Variants in PPP1R14C observed in about 807,000 individuals in gnomAD.
PPP1R14C encodes the protein protein phosphatase 1 regulatory subunit 14C.
Under a neutral mutation model 20.4 loss-of-function variants are expected in PPP1R14C, and 16 were observed. The observed-to-expected ratio is 0.78, with a 90% CI of 0.53 to 1.19. PPP1R14C has a LOEUF of 1.19. Ranked by LOEUF, PPP1R14C falls within the 50% of genes most tolerant of loss-of-function variation. The probability of loss-of-function intolerance (pLI) is 0.00; values close to 1 mark genes in which losing one functional copy is unlikely to be tolerated. For missense variants in PPP1R14C, 211 were observed against 220.1 expected, an observed-to-expected ratio of 0.96 and a Z score of 0.26; for synonymous variants, 91 against 91.0, an observed-to-expected ratio of 1.00 and a Z score of 0.00.
chr6:150,222,909 C>T (rs138396613), intron 3 of PPP1R14C, among the ~76,000 whole-genome samples: 226 of 150,976 alleles, frequency 1.5e-3, no homozygotes, highest in African/African-American at 5.1e-3. Context: ...GCTGGGATTA[C>T]AGGCGCGTGC....
intron 1 of PPP1R14C, among the ~76,000 whole-genome samples, chr6:150,179,921 G>A (rs1038803627): frequency 6.6e-6 from 1 of 152,160 alleles, no homozygotes; most frequent in African/African-American, 2.4e-5. Context: ...ACTGAGATGG[G>A]CCAGGCACGG....
intron 3 of PPP1R14C, among the ~76,000 whole-genome samples, chr6:150,228,972 G>A (rs1214362174): frequency 2.6e-5 from 4 of 152,282 alleles, no homozygotes; most frequent in African/African-American, 9.6e-5. Context: ...TTAAAGGGCA[G>A]TGGACCCGAT....
chr6:150,179,475 C>A (rs563581254), intron 1 of PPP1R14C, among the ~76,000 whole-genome samples: 2 of 151,616 alleles, frequency 1.3e-5, no homozygotes, highest in Non-Finnish European at 2.9e-5. Flanking sequence ...ATCTATATAG[C>A]GAGGGTAACA....
intron 1 of PPP1R14C, among the ~76,000 whole-genome samples, chr6:150,179,821 G>A (rs563938131): frequency 1.8e-4 from 28 of 152,308 alleles, no homozygotes; most frequent in Non-Finnish European, 3.1e-4. Flanking sequence ...GTGATCTTAG[G>A]CAAGTTACTT....
intron 3 of PPP1R14C, among the ~76,000 whole-genome samples, chr6:150,229,261 A>G (rs1211000853): frequency 6.6e-6 from 1 of 152,230 alleles, no homozygotes; most frequent in African/African-American, 2.4e-5. Context: ...ACACTCCCTC[A>G]TTGACAATGA....
Position 150,151,438 on chromosome 6 carries a change from A to T in PPP1R14C, c.306+7940A>T, listed in dbSNP as rs192206013. Among the ~76,000 whole-genome samples, 384 of 152,272 alleles carry T rather than the reference A, an allele frequency of 2.5e-3. 2 individuals are homozygous for T. Among genetic ancestry groups the T allele is most frequent in the African/African-American group, 8.4e-3 (348 of 41,540 alleles). On this transcript the variant is annotated intron_variant, in intron 1 of 3. Coordinates refer to ENST00000361131, the MANE Select transcript of PPP1R14C (RefSeq NM_030949.3). The stretch of plus-strand genomic sequence containing the variant: ...GATGCTCCTACAGCTCTGGAATATG[A>T]GTCCCCACTGGTCCCTGCCACTGCC...
At chr6:150,219,154 C>G (rs949121892) in intron 3 of PPP1R14C, among the ~76,000 whole-genome samples, 5 of 152,042 alleles carry the variant, frequency 3.3e-5, no homozygotes, top group Non-Finnish European at 2.9e-5. Flanking sequence ...GTTAAGCTAA[C>G]AGTAAATATG....
chr6:150,242,041 G>A (rs936830914), intron 3 of PPP1R14C, among the ~76,000 whole-genome samples: 1 of 152,140 alleles, frequency 6.6e-6, no homozygotes, highest in Non-Finnish European at 1.5e-5. Context: ...AGAGAGTTTT[G>A]TTTTTGCTGT....
At chr6:150,205,124 G>A (rs1212673533) in intron 1 of PPP1R14C, among the ~76,000 whole-genome samples, 1 of 152,030 alleles carries the variant, frequency 6.6e-6, no homozygotes, top group African/African-American at 2.4e-5. Context: ...CCTGCCCTGG[G>A]TGCCAGTGAT....
At chr6:150,169,536 C>T (rs1562260283) in intron 1 of PPP1R14C, among the ~76,000 whole-genome samples, 1 of 152,212 alleles carries the variant, frequency 6.6e-6, no homozygotes, top group Non-Finnish European at 1.5e-5. Flanking sequence ...AAAAGGTTGT[C>T]GTTGTTGTTA....
intron 1 of PPP1R14C, among the ~76,000 whole-genome samples, chr6:150,214,063 A>G (rs919681470): frequency 4.6e-5 from 7 of 152,164 alleles, no homozygotes; most frequent in African/African-American, 1.7e-4. Context: ...CTCGGTTCAG[A>G]GGGAGTGAAG....
intron 3 of PPP1R14C, among the ~76,000 whole-genome samples, chr6:150,228,979 C>T (rs1031957231): frequency 3.3e-5 from 5 of 152,020 alleles, no homozygotes; most frequent in East Asian, 1.9e-4. Flanking sequence ...GCAGTGGACC[C>T]GATTAGCATT....
At chr6:150,166,373 C>A (rs529837899) in intron 1 of PPP1R14C, among the ~76,000 whole-genome samples, 54 of 152,306 alleles carry the variant, frequency 3.5e-4, no homozygotes, top group African/African-American at 1.3e-3. Flanking sequence ...AGCCACCGCG[C>A]CCAGCCAAAT....
At chr6:150,159,617 C>CTT (rs35323993) in intron 1 of PPP1R14C, among the ~76,000 whole-genome samples, 1 of 146,128 alleles carries the variant, frequency 6.8e-6, no homozygotes, top group East Asian at 2.0e-4. Context: ...GCCAGGCATT[C>CTT]TTTTTTTTTT....
Position 150,145,843 on chromosome 6 carries a change from G to T in PPP1R14C, c.306+2345G>T, listed in dbSNP as rs76913474. 8.6e-3 allele frequency among the ~76,000 whole-genome samples: 1,312 copies of T among 152,336 alleles called. 14 individuals are homozygous for T. The highest frequency in any genetic ancestry group is 0.03 in the African/African-American group (1,262 of 41,564). On this transcript the variant is annotated intron_variant, in intron 1 of 3. Coordinates refer to ENST00000361131, the MANE Select transcript of PPP1R14C (RefSeq NM_030949.3). ...AACCTGCCAAAGGCTTGAGTTATCT[G>T]CTGAGTTGGGGTAGAATATGAACAC...
At chr6:150,244,316 G>T (rs6912211) in intron 3 of PPP1R14C, among the ~76,000 whole-genome samples, 6 of 152,268 alleles carry the variant, frequency 3.9e-5, no homozygotes, top group African/African-American at 1.4e-4. Flanking sequence ...CATTGCACTT[G>T]ACTTAGGTGA....
chr6:150,148,769 A>C (rs2114849057), intron 1 of PPP1R14C, among the ~76,000 whole-genome samples: 1 of 152,330 alleles, frequency 6.6e-6, no homozygotes, highest in African/African-American at 2.4e-5. Flanking sequence ...CTAAGGAATA[A>C]ATTACACATG....
In PPP1R14C at chr6:150,143,138, G is replaced by T; in HGVS notation, c.-55G>T. 8.4e-7 allele frequency: 1 copy of T among 1,189,546 alleles called. No individual in the cohort carries two copies. Among genetic ancestry groups the T allele is most frequent in the Non-Finnish European group, 1.0e-6 (1 of 963,538 alleles). 73.7% of individuals were successfully genotyped at this position (1,189,546 alleles called of 1,614,324 possible). ...GGGCCGGAGGTGGTAGCGGCGCCGG[G>T]CGCGCTCCGCCCGCCCCTCCTCCGG... On this transcript the variant is annotated 5_prime_UTR_variant, in exon 1 of 4. Transcript: ENST00000361131. The surrounding 1 kb of genome is among the most constrained non-coding windows in gnomAD (Gnocchi z 5.6).
intron 1 of PPP1R14C, chr6:150,195,917 G>A (rs1221027457): frequency 8.1e-6 from 8 of 985,350 alleles, no homozygotes; most frequent in Non-Finnish European, 9.6e-6. Context: ...GCAGTGATTG[G>A]CCTGAATGCC....
Sources: gnomAD v4.1 joint callset for allele counts (sites outside exome capture counted in the v4.1 genomes callset) on GRCh38, gnomAD v4.1.1 for gene constraint, Gnocchi (gnomAD v3.1) non-coding constraint, MANE v1.5 for transcripts, NCBI Gene and HGNC (gene_info 2026-07-23, HGNC 2026-07-21) for gene names.